The following IFT172 variants were observed in gnomAD, a reference collection of about 807,000 sequenced individuals.
IFT172 encodes the protein intraflagellar transport protein 172 homolog.
Under a neutral mutation model 248.9 loss-of-function variants are expected in IFT172, and 164 were observed. That is an observed-to-expected ratio of 0.66 (90% CI 0.58 to 0.75). The LOEUF (loss-of-function observed/expected upper bound fraction) is 0.75. Ranked by LOEUF, IFT172 falls within the 30% of genes least tolerant of loss-of-function variation. The pLI is 0.00. For missense variants in IFT172, 1,950 were observed against 2,192.4 expected (o/e 0.89, Z 2.21); for synonymous variants, 729 against 791.6 (o/e 0.92, Z 1.33).
rs757813720 is a variant in IFT172, at chr2:27,445,768, G to T, written c.4891C>A (p.Leu1631Ile). The change falls in exon 45 of 48, where the codon CTC (leucine) becomes ATC (isoleucine). Residue 1631 changes from leucine to isoleucine, a missense_variant. Physicochemically the swap from Leu to Ile is conservative, Grantham distance 5 (BLOSUM62 2). This residue lies in a region of IFT172 where 620 missense variants were observed against 699.0 expected (regional missense o/e 0.89). Coordinates refer to ENST00000260570, the MANE Select transcript of IFT172 (RefSeq NM_015662.3). The surrounding 1 kb of genome is among the most constrained non-coding windows in gnomAD (Gnocchi z 4.4). Reference protein sequence around the residue: ...QDTDIPFEVPLPAKQHVPEAE... With the variant: ...QDTDIPFEVPIPAKQHVPEAE... ...ACCGGTACATGCTGCTTAGCTGGGA[G>T]TGGCACCTCAAAGGGAATGTCTGTA... The T allele has an allele frequency of 1.2e-6, 2 of 1,614,172 alleles. No individual in the cohort carries two copies. The highest frequency in any genetic ancestry group is 1.7e-6 in the Non-Finnish European group (2 of 1,180,036).
chr2:27,459,740 C>A lies in IFT172; in HGVS notation c.2611G>T (p.Asp871Tyr). The stretch of plus-strand genomic sequence containing the variant: ...TCGATGTAGTGATTAATGGCTGCAT[C>A]AAGCTGCTTCTGCTGCACCAGGTGG... ...GDHLVQQKQLDAAINHYIEAR... is the reference protein window; with the variant it reads ...GDHLVQQKQLYAAINHYIEAR... The change falls in exon 24 of 48, where the codon GAT becomes TAT. Residue 871 changes from aspartate to tyrosine, a missense_variant. This residue lies in a region of IFT172 where 1,166 missense variants were observed against 1,254.1 expected (regional missense o/e 0.93). Transcript: ENST00000260570. 1 of 1,612,984 alleles carries A rather than the reference C, an allele frequency of 6.2e-7. No homozygotes were observed.
At chr2:27,446,421 C>G in intron 42 of IFT172, 66 bp from the exon 43 acceptor site, 1 of 1,378,364 alleles carries the variant, frequency 7.3e-7, no homozygotes, top group African/African-American at 1.4e-5. Flanking sequence ...ACCAATGATC[C>G]TGTAAGGCAG....
chr2:27,488,939 G>A lies in IFT172; in HGVS notation c.39+676C>T, dbSNP rs144388853. On this transcript the variant is annotated intron_variant, in intron 1 of 47. Transcript: ENST00000260570. ...CGTCTGTAATCCCAGCTACTTGGGA[G>A]GCTATGGCAGGAAAATCCCTTGAAC... Among the ~76,000 whole-genome samples the A allele has an allele frequency of 3.7e-3, 569 of 152,362 alleles. 2 individuals are homozygous for A. Among genetic ancestry groups the A allele is most frequent in the Non-Finnish European group, 6.3e-3 (428 of 68,034 alleles).
chr2:27,474,751 C>T (rs1667842609), intron 14 of IFT172, among the ~76,000 whole-genome samples: 2 of 152,054 alleles, frequency 1.3e-5, no homozygotes, highest in African/African-American at 4.8e-5. Flanking sequence ...GGGGTTTCAC[C>T]ATGTTGGCCA....
chr2:27,472,799 A>T (rs540156777), intron 14 of IFT172, among the ~76,000 whole-genome samples: 1 of 152,214 alleles, frequency 6.6e-6, no homozygotes, highest in South Asian at 2.1e-4. Context: ...CTCTGACTAA[A>T]GTTAGGCTGG....
At chr2:27,462,843 G>T in intron 19 of IFT172, 50 bp from the exon 20 acceptor site, 1 of 1,554,972 alleles carries the variant, frequency 6.4e-7, no homozygotes, top group Non-Finnish European at 8.9e-7. Context: ...CTGCCATTCT[G>T]TCTGTGAGGG....
At position 27,481,075 on chromosome 2, in the gene IFT172, G is replaced by C. The variant is rs1274853696; in HGVS notation, c.756C>G (p.Gly252=). 1.2e-6 allele frequency: 2 copies of C among 1,613,800 alleles called. No individual in the cohort carries two copies. The highest frequency in any genetic ancestry group is 1.7e-6 in the Non-Finnish European group (2 of 1,179,898). ...CATAACTTCCTAGCACAACAGACTGGCCCCCAGGACTTGATACAGCTGTGG... is the reference window on the plus strand; with the variant it reads ...CATAACTTCCTAGCACAACAGACTGCCCCCCAGGACTTGATACAGCTGTGG... ...EFTTAVSSPG[G]QSVVLGSYDR... Residue 252 remains glycine, a synonymous_variant, in exon 8 of 48, where the codon GGC becomes GGG. Coordinates refer to ENST00000260570, the MANE Select transcript of IFT172 (RefSeq NM_015662.3).
intron 3 of IFT172, among the ~76,000 whole-genome samples, chr2:27,484,508 G>A (rs1572835183): frequency 6.6e-6 from 1 of 152,064 alleles, no homozygotes; most frequent in Non-Finnish European, 1.5e-5. Flanking sequence ...GGAGAATTGC[G>A]TGAACCTGGG....
At chr2:27,488,914 C>T (rs1668959856) in intron 1 of IFT172, among the ~76,000 whole-genome samples, 1 of 152,198 alleles carries the variant, frequency 6.6e-6, no homozygotes, top group Non-Finnish European at 1.5e-5. Flanking sequence ...TGCTAGCGCA[C>T]GTCTGTAATC....
rs1215894321 is a variant in IFT172 at position 27,476,628 on chromosome 2, G to A, written c.1411+13C>T. On this transcript the variant is annotated intron_variant, in intron 14 of 47. Coordinates refer to ENST00000260570, the MANE Select transcript of IFT172 (RefSeq NM_015662.3). ...CTATTTTGTTATTAAAATTATGAGA[G>A]AGTCTTACTCACCTATAGCAATAGT... The A allele has an allele frequency of 4.2e-6, 6 of 1,418,490 alleles. No homozygotes were observed. Among genetic ancestry groups the A allele is most frequent in the Middle Eastern group, 1.8e-4 (1 of 5,656 alleles). The allele number at this position is 1,418,490 out of a possible 1,614,324, so 87.9% of individuals were successfully genotyped here.
In IFT172 at chr2:27,459,826, A is replaced by C. The variant is rs1281470948; in HGVS notation, c.2525T>G (p.Val842Gly). The change falls in exon 24 of 48, where the codon GTA (valine) becomes GGA (glycine). Residue 842 changes from valine to glycine, a missense_variant. Val to Gly is a moderately radical substitution (Grantham distance 109). Coordinates refer to ENST00000260570, the MANE Select transcript of IFT172 (RefSeq NM_015662.3). ...TGGGAAGGCCAATCGAGCCAGCTCT[A>C]CCGCTGCCAGGGAGAGAAAAGATGC... The part of the protein sequence containing the change: ...YRKGNAFMKA[V>G]ELARLAFPVE... The C allele has an allele frequency of 6.2e-7, 1 of 1,611,160 alleles. No homozygotes were observed. The highest frequency in any genetic ancestry group is 8.5e-7 in the Non-Finnish European group (1 of 1,179,994).
intron 1 of IFT172, among the ~76,000 whole-genome samples, chr2:27,487,138 T>G (rs539167121): frequency 1.3e-5 from 2 of 152,206 alleles, no homozygotes; most frequent in South Asian, 4.1e-4. Context: ...AGAGACATGG[T>G]TTCACCGTAT....
At position 27,445,698 on chromosome 2, in the gene IFT172, C is replaced by T; in HGVS notation, c.4914+47G>A. 1 of 1,595,866 alleles carries T rather than the reference C, an allele frequency of 6.3e-7. No individual in the cohort carries two copies. The highest frequency in any genetic ancestry group is 8.6e-7 in the Non-Finnish European group (1 of 1,163,968). On this transcript the variant is annotated intron_variant, in intron 45 of 47. Coordinates refer to ENST00000260570, the MANE Select transcript of IFT172 (RefSeq NM_015662.3). The surrounding 1 kb of genome is among the most constrained non-coding windows in gnomAD (Gnocchi z 4.4). ...ACAAAGATATTCTCCCTCCTCAAGG[C>T]ACTCACACTGGTGAGGCCTTCCGGT...
At chr2:27,466,253 C>A (rs1667079568) in intron 16 of IFT172, among the ~76,000 whole-genome samples, 1 of 152,108 alleles carries the variant, frequency 6.6e-6, no homozygotes, top group Non-Finnish European at 1.5e-5. Flanking sequence ...TAAGAATATT[C>A]CCTACCCATA....
chr2:27,485,638 G>T, intron 1 of IFT172, 135 bp from the exon 2 acceptor site: 2 of 1,028,106 alleles, frequency 1.9e-6, no homozygotes, highest in Non-Finnish European at 2.8e-6. Context: ...ACAAAGAGAT[G>T]CCTGTGGCCC....
At position 27,459,845 on chromosome 2, in the gene IFT172, A is replaced by G. The variant is rs773341949; in HGVS notation, c.2522-16T>C. The G allele has an allele frequency of 6.2e-7, 1 of 1,608,600 alleles. No individual in the cohort carries two copies. The highest frequency in any genetic ancestry group is 1.7e-5 in the Admixed American group (1 of 60,006). ...AGCTCTACCGCTGCCAGGGAGAGAA[A>G]AGATGCTCAGCCCAGATTTCCAGGG... On this transcript the variant is annotated splice_polypyrimidine_tract_variant and intron_variant, in intron 23 of 47. Transcript: ENST00000260570.
At chr2:27,485,193 G>C (rs144960902) in intron 2 of IFT172, 63 bp from the exon 3 acceptor site, 57 of 1,435,042 alleles carry the variant, frequency 4.0e-5, no homozygotes, top group Non-Finnish European at 5.5e-5. Context: ...AAAGAGAAAA[G>C]AGAAAAAAAG....
chr2:27,453,454 CG>C lies in IFT172; in HGVS notation c.3880del (p.Arg1294ValfsTer23), dbSNP rs781780959. The C allele has an allele frequency of 1.9e-6, 3 of 1,614,014 alleles. No homozygotes were observed. Among genetic ancestry groups the C allele is most frequent in the African/African-American group, 2.7e-5 (2 of 74,910 alleles). ...RHWEQAGEYS[R>X]AVDCYLKVRD... is the part of the protein sequence containing the mutation. ...CACTTTGAGGTAGCAGTCCACGGCA[CG>C]GCTGTACTCTCCAGCCTGCTCCCAG... On this transcript the variant is annotated frameshift_variant, in exon 35 of 48. Transcript: ENST00000260570. LOFTEE classifies it high-confidence loss of function.
intron 1 of IFT172, among the ~76,000 whole-genome samples, chr2:27,487,907 T>C (rs1429714115): frequency 2.6e-5 from 4 of 152,192 alleles, no homozygotes; most frequent in Non-Finnish European, 1.5e-5. Context: ...TAAATCCATG[T>C]ATGTGTAAAT....
Sources: gnomAD v4.1 joint callset for allele counts (sites outside exome capture counted in the v4.1 genomes callset) on GRCh38, gnomAD v4.1.1 for gene constraint, gnomAD v4.1.1 regional missense constraint, Gnocchi (gnomAD v3.1) non-coding constraint, MANE v1.5 for transcripts, NCBI Gene and HGNC (gene_info 2026-07-23, HGNC 2026-07-21) for gene names.